Variants in ZHX2 observed in about 807,000 individuals in gnomAD.
The protein encoded by ZHX2 is zinc fingers and homeoboxes 2, also known as zinc fingers and homeoboxes protein 2.
A neutral mutation model predicts 21.9 loss-of-function variants in ZHX2; 6 were observed. The ratio of observed to expected loss-of-function variants is 0.27; its 90% CI spans 0.15 to 0.54. The LOEUF (loss-of-function observed/expected upper bound fraction) is 0.54, where lower values mean the gene tolerates loss of function less well. Among genes scored for constraint, ZHX2 ranks in the 20% least tolerant of loss-of-function variants. ZHX2 has a pLI of 0.95. For synonymous variants in ZHX2, 434 were observed against 437.1 expected, an observed-to-expected ratio of 0.99 and a Z score of 0.09; for missense variants, 908 against 1,090.7, an observed-to-expected ratio of 0.83 and a Z score of 2.36.
chr8:122,934,651 T>C (rs7828982), intron 2 of ZHX2, among the ~76,000 whole-genome samples: 122,078 of 149,718 alleles, frequency 0.82, 52,191 homozygotes, highest in East Asian at 0.98. Context: ...TCCTTCCTTC[T>C]TTATTACCTT....
At chr8:122,848,206 T>C (rs1293709633) in intron 1 of ZHX2, among the ~76,000 whole-genome samples, 2 of 152,160 alleles carry the variant, frequency 1.3e-5, no homozygotes, top group Non-Finnish European at 2.9e-5. Flanking sequence ...GAGTGTGTTG[T>C]TGCGTCTCTG....
At chr8:122,935,444 A>G (rs774653232) in intron 2 of ZHX2, among the ~76,000 whole-genome samples, 15 of 152,054 alleles carry the variant, frequency 9.9e-5, no homozygotes, top group Non-Finnish European at 2.1e-4. Context: ...ACTGACACTC[A>G]TGAGTGTGTC....
intron 2 of ZHX2, among the ~76,000 whole-genome samples, chr8:122,913,866 A>T (rs1357282432): frequency 6.6e-6 from 1 of 152,062 alleles, no homozygotes; most frequent in Non-Finnish European, 1.5e-5. Flanking sequence ...AGAGAGGGGG[A>T]TGTGTACCCA....
In ZHX2 at chr8:122,973,810, TCTCAA is replaced by T. The variant is rs1279840400; in HGVS notation, c.*576_*580del. On this transcript the variant is annotated 3_prime_UTR_variant, in exon 4 of 4. Transcript: ENST00000314393. ...GGAAGGGCTGAAATCCAGGCCCCTGTCTCAACTTGGAGAGAGGTGACAGACGGCAG... is the reference window on the plus strand; with the variant it reads ...GGAAGGGCTGAAATCCAGGCCCCTGTCTTGGAGAGAGGTGACAGACGGCAG... 1 of 152,644 alleles carries T rather than the reference TCTCAA, an allele frequency of 6.6e-6. No homozygotes were observed. Among genetic ancestry groups the T allele is most frequent in the Non-Finnish European group, 1.5e-5 (1 of 68,038 alleles). 9.5% of individuals were successfully genotyped at this position (152,644 alleles called of 1,614,324 possible). A position where few individuals can be genotyped will look rare whatever the true frequency, so the allele number is the denominator to read the frequency against.
At chr8:122,801,829 T>C (rs1817727322) in intron 1 of ZHX2, among the ~76,000 whole-genome samples, 1 of 152,178 alleles carries the variant, frequency 6.6e-6, no homozygotes, top group African/African-American at 2.4e-5. Flanking sequence ...TGGAGGAAGA[T>C]GACTGCCAGT....
chr8:122,841,588 G>A (rs1176057584), intron 1 of ZHX2, among the ~76,000 whole-genome samples: 6 of 152,164 alleles, frequency 3.9e-5, no homozygotes, highest in Non-Finnish European at 8.8e-5. Flanking sequence ...GAGCAGAGAG[G>A]CACAGTGTGA....
chr8:122,927,043 G>C (rs188783187), intron 2 of ZHX2, among the ~76,000 whole-genome samples: 3 of 152,254 alleles, frequency 2.0e-5, no homozygotes, highest in Admixed American at 2.0e-4. Flanking sequence ...TAGGACCTGG[G>C]TATCTTTTGG....
intron 1 of ZHX2, among the ~76,000 whole-genome samples, chr8:122,834,790 G>C (rs1304279914): frequency 3.3e-5 from 5 of 152,134 alleles, no homozygotes; most frequent in African/African-American, 1.2e-4. Context: ...AGAGAAAAAG[G>C]GCTGGGTTTT....
intron 2 of ZHX2, among the ~76,000 whole-genome samples, chr8:122,917,631 C>G (rs1369457540): frequency 6.6e-6 from 1 of 152,224 alleles, no homozygotes; most frequent in Non-Finnish European, 1.5e-5. Flanking sequence ...CATAAGGCCG[C>G]AGTCAGAACT....
chr8:122,959,923 C>T (rs1379309258), intron 3 of ZHX2, among the ~76,000 whole-genome samples: 1 of 152,110 alleles, frequency 6.6e-6, no homozygotes, highest in African/African-American at 2.4e-5. Context: ...AAATCCAGCC[C>T]CCTCATTTTC....
chr8:122,958,231 C>A (rs540334056), intron 3 of ZHX2, among the ~76,000 whole-genome samples: 2 of 152,302 alleles, frequency 1.3e-5, no homozygotes, highest in Middle Eastern at 3.4e-3. Context: ...AGGCTCACCT[C>A]GGCCCTGAGG....
At chr8:122,942,806 A>C (rs1264131573) in intron 2 of ZHX2, among the ~76,000 whole-genome samples, 1 of 152,164 alleles carries the variant, frequency 6.6e-6, no homozygotes, top group Non-Finnish European at 1.5e-5. Flanking sequence ...ACTTGTAGGG[A>C]AAGGTCAGGA....
intron 2 of ZHX2, among the ~76,000 whole-genome samples, chr8:122,892,360 T>C (rs542130043): frequency 6.6e-6 from 1 of 152,318 alleles, no homozygotes; most frequent in Non-Finnish European, 1.5e-5. Context: ...AGTTGGGTCT[T>C]GTGTTTAACT....
intron 2 of ZHX2, among the ~76,000 whole-genome samples, chr8:122,934,619 CTTCT>C (rs1264735410): frequency 2.8e-5 from 4 of 142,992 alleles, no homozygotes; most frequent in East Asian, 1.9e-4. Context: ...TCCTTCCTTC[CTTCT>C]TTCCTTCCTT....
At chr8:122,870,841 A>G (rs1226687215) in intron 2 of ZHX2, among the ~76,000 whole-genome samples, 3 of 152,084 alleles carry the variant, frequency 2.0e-5, no homozygotes, top group Non-Finnish European at 4.4e-5. Context: ...CAGAGCACCA[A>G]TTCAGAGAAA....
chr8:122,828,962 C>G lies in ZHX2; in HGVS notation c.-282-34515C>G, dbSNP rs1257040226. ...CTTTTTTTCAGTTATTAAAACACTA[C>G]ATTTCACCAAAAAGAAAACATTTAC... On this transcript the variant is annotated intron_variant, in intron 1 of 3. Transcript: ENST00000314393. This position sits in a 1 kb window ranked among gnomAD's most constrained non-coding sequence, Gnocchi z 5.2. 1.3e-5 allele frequency among the ~76,000 whole-genome samples: 2 copies of G among 152,114 alleles called. No individual in the cohort carries two copies. The highest frequency in any genetic ancestry group is 4.8e-5 in the African/African-American group (2 of 41,404).
At chr8:122,841,670 TAG>T (rs1278135892) in intron 1 of ZHX2, among the ~76,000 whole-genome samples, 1 of 152,286 alleles carries the variant, frequency 6.6e-6, no homozygotes, top group Admixed American at 6.5e-5. Context: ...GCCCTCCAGC[TAG>T]AGAGAGTGGT....
chr8:122,889,703 T>C (rs1276260505), intron 2 of ZHX2, among the ~76,000 whole-genome samples: 1 of 152,180 alleles, frequency 6.6e-6, no homozygotes, highest in Non-Finnish European at 1.5e-5. Context: ...TATTCACGGA[T>C]TTTTCTTTCA....
chr8:122,950,770 T>C (rs1813090087), intron 2 of ZHX2, among the ~76,000 whole-genome samples: 1 of 152,100 alleles, frequency 6.6e-6, no homozygotes, highest in African/African-American at 2.4e-5. Flanking sequence ...AGATGAACTA[T>C]AAAACTGCAA....
Sources: gnomAD v4.1 joint callset for allele counts (sites outside exome capture counted in the v4.1 genomes callset) on GRCh38, gnomAD v4.1.1 for gene constraint, Gnocchi (gnomAD v3.1) non-coding constraint, MANE v1.5 for transcripts, NCBI Gene and HGNC (gene_info 2026-07-23, HGNC 2026-07-21) for gene names.